PTPRJ: variants seen among roughly 807,000 people sequenced by gnomAD.
The protein encoded by PTPRJ is protein tyrosine phosphatase receptor type J.
PTPRJ carries 129 observed loss-of-function variants against 141.3 expected under a neutral mutation model. The ratio of observed to expected loss-of-function variants is 0.91; its 90% CI spans 0.79 to 1.06. PTPRJ has a LOEUF of 1.06. PTPRJ is among the 50% of genes least tolerant of loss of function. The pLI, the probability that PTPRJ is intolerant of heterozygous loss-of-function variation, is 0.00. For synonymous variants in PTPRJ, 610 were observed against 640.5 expected, an observed-to-expected ratio of 0.95 and a Z score of 0.72; for missense variants, 1,601 against 1,679.7, an observed-to-expected ratio of 0.95 and a Z score of 0.82.
chr11:48,059,248 G>A (rs536989733), intron 1 of PTPRJ, among the ~76,000 whole-genome samples: 10 of 149,884 alleles, frequency 6.7e-5, no homozygotes, highest in African/African-American at 2.0e-4. Flanking sequence ...TCAGCCTCCC[G>A]AGTAGCTAGA....
In PTPRJ at chr11:48,043,341, G is replaced by A. The variant is rs1245434375; in HGVS notation, c.96+62333G>A. 2.6e-5 allele frequency among the ~76,000 whole-genome samples: 4 copies of A among 152,168 alleles called. No homozygotes were observed. In the East Asian group the frequency reaches 7.7e-4, roughly 29 times the overall value. On this transcript the variant is annotated intron_variant, in intron 1 of 24. Coordinates refer to ENST00000418331, the MANE Select transcript of PTPRJ (RefSeq NM_002843.4). ...CCATCCTCCCATTTCAGCTTCCTGAGTAGCTGGGATTACAGGCAGGAGCCA... is the reference window on the plus strand; with the variant it reads ...CCATCCTCCCATTTCAGCTTCCTGAATAGCTGGGATTACAGGCAGGAGCCA...
chr11:48,097,778 A>G (rs1001059366), intron 1 of PTPRJ, among the ~76,000 whole-genome samples: 11 of 152,072 alleles, frequency 7.2e-5, no homozygotes, highest in African/African-American at 2.7e-4. Context: ...AGCTCAGGCA[A>G]TCCCCAGCCT....
rs1340041637 is a variant in PTPRJ at position 47,980,866 on chromosome 11, C to T, written c.-47C>T. Reference sequence around the variant, plus strand: ...ACGGTGCCCGGGCTCGGGCGCACGGCGGGGCCCGATTCGCGCGTCCGGGGC... The same window carrying T: ...ACGGTGCCCGGGCTCGGGCGCACGGTGGGGCCCGATTCGCGCGTCCGGGGC... On this transcript the variant is annotated 5_prime_UTR_variant, in exon 1 of 25. Transcript: ENST00000418331. The T allele has an allele frequency of 4.6e-6, 5 of 1,093,220 alleles. No individual in the cohort carries two copies. The highest frequency in any genetic ancestry group is 5.5e-6 in the Non-Finnish European group (5 of 901,202). 67.7% of individuals were successfully genotyped at this position (1,093,220 alleles called of 1,614,324 possible).
intron 1 of PTPRJ, among the ~76,000 whole-genome samples, chr11:48,091,506 T>C (rs1323184307): frequency 6.6e-6 from 1 of 152,196 alleles, no homozygotes; most frequent in East Asian, 1.9e-4. Flanking sequence ...TTAGGGGTGT[T>C]TGGTGACTGC....
intron 1 of PTPRJ, among the ~76,000 whole-genome samples, chr11:48,064,464 A>G (rs1410473105): frequency 6.6e-6 from 1 of 152,186 alleles, no homozygotes; most frequent in Non-Finnish European, 1.5e-5. Context: ...TCAGCTCACC[A>G]TGGGCTGAAC....
chr11:48,123,666 G>C lies in PTPRJ; in HGVS notation c.670G>C (p.Ala224Pro), dbSNP rs1157170969. The change falls in exon 5 of 25, where the codon GCT (alanine) becomes CCT (proline). Residue 224 changes from alanine (A) to proline (P), a missense_variant. Transcript: ENST00000418331. ...RVALTGVRKA[A>P]LSWSNGNGTA... Reference sequence around the variant, plus strand: ...TGCCCTCACGGGTGTGAGGAAGGCTGCTCTCTCCTGGAGCAATGGCAATGG... The same window carrying C: ...TGCCCTCACGGGTGTGAGGAAGGCTCCTCTCTCCTGGAGCAATGGCAATGG... The C allele has an allele frequency of 6.2e-7, 1 of 1,614,166 alleles. No homozygotes were observed.
intron 19 of PTPRJ, among the ~76,000 whole-genome samples, chr11:48,155,065 C>A (rs1288448799): frequency 6.6e-6 from 1 of 152,292 alleles, no homozygotes; most frequent in Non-Finnish European, 1.5e-5. Flanking sequence ...CTGACACTTG[C>A]AGTTCTAAGG....
At chr11:48,113,414 T>G (rs1294198345) in intron 3 of PTPRJ, among the ~76,000 whole-genome samples, 1 of 152,236 alleles carries the variant, frequency 6.6e-6, no homozygotes, top group African/African-American at 2.4e-5. Context: ...GGTTGGCAGA[T>G]AATAATGGTC....
chr11:48,156,259 CT>C, intron 21 of PTPRJ, 140 bp downstream of exon 21: 16 of 697,520 alleles, frequency 2.3e-5, no homozygotes, highest in Non-Finnish European at 2.7e-5. Flanking sequence ...TGTTTTCTGT[CT>C]TTTTTTCCCC....
intron 1 of PTPRJ, among the ~76,000 whole-genome samples, chr11:48,079,714 G>A (rs1565292159): frequency 1.3e-5 from 2 of 152,110 alleles, no homozygotes; most frequent in African/African-American, 2.4e-5. Context: ...CTGACCTAAG[G>A]TGTTGGAGCT....
At chr11:47,997,451 C>T (rs1431794256) in intron 1 of PTPRJ, among the ~76,000 whole-genome samples, 2 of 152,170 alleles carry the variant, frequency 1.3e-5, no homozygotes, top group East Asian at 1.9e-4. Flanking sequence ...TGCCAGGGCT[C>T]AAAAGAGGGT....
At position 48,168,577 on chromosome 11, in the gene PTPRJ, T is replaced by TATATAC. The variant is rs1555061334; in HGVS notation, c.*1217_*1222dup. The TATATAC allele has an allele frequency of 3.3e-5, 4 of 120,282 alleles. No homozygotes were observed. The highest frequency in any genetic ancestry group is 1.3e-4 in the African/African-American group (4 of 31,856). The allele number at this position is 120,282 out of a possible 1,614,324, so 7.5% of individuals were successfully genotyped here. A position where few individuals can be genotyped will look rare whatever the true frequency, so the allele number is the denominator to read the frequency against. On this transcript the variant is annotated 3_prime_UTR_variant, in exon 25 of 25. Coordinates refer to ENST00000418331, the MANE Select transcript of PTPRJ (RefSeq NM_002843.4). ...ATATATATATATATATATATATATA[T>TATATAC]ATATACACTAAGCTCTCAAAAACAG...
intron 1 of PTPRJ, among the ~76,000 whole-genome samples, chr11:48,040,376 G>C (rs1271615114): frequency 6.6e-6 from 1 of 152,176 alleles, no homozygotes; most frequent in Non-Finnish European, 1.5e-5. Flanking sequence ...GTCTCCTTAT[G>C]TACACAGCTT....
At position 47,980,738 on chromosome 11, in the gene PTPRJ, C is replaced by CGCCGCT. The variant is rs1365683913; in HGVS notation, c.-171_-166dup. 1.2e-5 allele frequency: 12 copies of CGCCGCT among 1,009,550 alleles called. No individual in the cohort carries two copies. The Admixed American group carries it at 1.8e-4, about 15-fold the overall frequency. 62.5% of individuals were successfully genotyped at this position (1,009,550 alleles called of 1,614,324 possible). On this transcript the variant is annotated 5_prime_UTR_variant, in exon 1 of 25. Transcript: ENST00000418331. ...TCCGGCGTGTGGCCGCGGCCGCCGCCGCCGCTGCCATGTCTCCGGGGAAGC... is the reference window on the plus strand; with the variant it reads ...TCCGGCGTGTGGCCGCGGCCGCCGCCGCCGCTGCCGCTGCCATGTCTCCGGGGAAGC...
rs199624672 is a variant in PTPRJ, at chr11:48,130,565, G to C, written c.1464G>C (p.Gln488His). Residue 488 changes from glutamine to histidine, a missense_variant, in exon 8 of 25, where the codon CAG (glutamine) becomes CAC (histidine). Transcript: ENST00000418331. ...AATCATTTCAGATGCATATCACACAGGAGGGAGCTGGCAATTCTCGGGTAG... is the reference window on the plus strand; with the variant it reads ...AATCATTTCAGATGCATATCACACACGAGGGAGCTGGCAATTCTCGGGTAG... ...DAESFQMHIT[Q>H]EGAGNSRVEI... 127 of 1,614,140 alleles carry C rather than the reference G, an allele frequency of 7.9e-5. 1 individual carries two copies. The Middle Eastern group carries it at 8.2e-4, about 10-fold the overall frequency.
intron 3 of PTPRJ, among the ~76,000 whole-genome samples, chr11:48,117,583 C>T (rs1733254115): frequency 7.9e-6 from 1 of 126,100 alleles, no homozygotes; most frequent in African/African-American, 3.1e-5. Context: ...AAAGCAAGCT[C>T]ATACCTCCAG....
intron 2 of PTPRJ, among the ~76,000 whole-genome samples, 193 bp downstream of exon 2, chr11:48,110,269 C>T (rs1856405583): frequency 6.6e-6 from 1 of 152,022 alleles, no homozygotes; most frequent in African/African-American, 2.4e-5. Flanking sequence ...TGCAGTGGTG[C>T]CATCTCGGCT....
At chr11:48,136,423 A>T in intron 9 of PTPRJ, 127 bp downstream of exon 9, 2 of 1,193,660 alleles carry the variant, frequency 1.7e-6, no homozygotes, top group Non-Finnish European at 2.4e-6. Flanking sequence ...GAAGTTGAAA[A>T]CATTGGTCTC....
intron 1 of PTPRJ, among the ~76,000 whole-genome samples, chr11:48,090,301 C>A (rs1189440589): frequency 2.6e-5 from 4 of 152,190 alleles, no homozygotes; most frequent in African/African-American, 9.7e-5. Context: ...CTCCTCCAAA[C>A]ACTTGCTACT....
Sources: allele counts gnomAD v4.1 joint callset (sites outside exome capture counted in the v4.1 genomes callset), GRCh38; gene constraint gnomAD v4.1.1; transcripts MANE v1.5; gene names NCBI Gene and HGNC (gene_info 2026-07-23, HGNC 2026-07-21).